The following KHDRBS2 variants were observed in gnomAD, a reference collection of about 807,000 sequenced individuals.
The protein encoded by KHDRBS2 is KH domain-containing, RNA-binding, signal transduction-associated protein 2.
A neutral mutation model predicts 44.3 loss-of-function variants in KHDRBS2; 26 were observed. The ratio of observed to expected loss-of-function variants is 0.59; its 90% CI spans 0.43 to 0.81. The LOEUF (loss-of-function observed/expected upper bound fraction) is 0.81, where lower values mean the gene tolerates loss of function less well. Ranked by LOEUF, KHDRBS2 falls within the 40% of genes least tolerant of loss-of-function variation. The pLI is 0.00. For synonymous variants in KHDRBS2, 194 were observed against 151.1 expected (o/e 1.28, Z -2.08); for missense variants, 476 against 433.1 (o/e 1.10, Z -0.88).
At chr6:61,708,646 C>T (rs1416126909) in intron 7 of KHDRBS2, among the ~76,000 whole-genome samples, 3 of 151,576 alleles carry the variant, frequency 2.0e-5, no homozygotes, top group Non-Finnish European at 3.0e-5. Context: ...ATAAATGTAA[C>T]ATAACTTTTT....
intron 1 of KHDRBS2, among the ~76,000 whole-genome samples, chr6:62,230,150 T>C (rs1221690811): frequency 6.6e-6 from 1 of 152,222 alleles, no homozygotes; most frequent in Non-Finnish European, 1.5e-5. Flanking sequence ...AGCCTTCCTG[T>C]ATATAATGTA....
intron 3 of KHDRBS2, 140 bp downstream of exon 3, chr6:62,047,738 G>A: frequency 4.6e-6 from 3 of 649,586 alleles, no homozygotes; most frequent in Non-Finnish European, 8.4e-6. Context: ...GGAGATAGCA[G>A]AAAGTGACAC....
At chr6:62,190,808 G>T (rs1239194487) in intron 1 of KHDRBS2, among the ~76,000 whole-genome samples, 1 of 151,994 alleles carries the variant, frequency 6.6e-6, no homozygotes, top group Non-Finnish European at 1.5e-5. Flanking sequence ...AGCCATGTGA[G>T]CAAGAGTTAC....
At chr6:61,968,483 T>G (rs1369887264) in intron 4 of KHDRBS2, among the ~76,000 whole-genome samples, 1 of 152,048 alleles carries the variant, frequency 6.6e-6, no homozygotes, top group East Asian at 1.9e-4. Flanking sequence ...TAGAACAGCC[T>G]TATGAATATA....
chr6:61,921,355 T>C (rs1583518787), intron 4 of KHDRBS2, among the ~76,000 whole-genome samples: 2 of 152,104 alleles, frequency 1.3e-5, no homozygotes, highest in East Asian at 3.9e-4. Context: ...GAACAGGAGA[T>C]TATATTAACT....
chr6:61,935,035 A>G (rs1810775846), intron 4 of KHDRBS2, among the ~76,000 whole-genome samples: 1 of 152,162 alleles, frequency 6.6e-6, no homozygotes, highest in Admixed American at 6.5e-5. Flanking sequence ...GAATTTTTAG[A>G]GTTCTAGCAA....
chr6:61,603,076 C>T, the KHDRBS2 span, among the ~76,000 whole-genome samples: 17 of 152,260 alleles, frequency 1.1e-4, no homozygotes, highest in African/African-American at 3.6e-4. Context: ...ATCACCCTTA[C>T]CCCGCTCAAT....
At chr6:61,662,851 A>G in the KHDRBS2 span, among the ~76,000 whole-genome samples, 1 of 151,914 alleles carries the variant, frequency 6.6e-6, no homozygotes, top group Admixed American at 6.6e-5. Flanking sequence ...GTGATTCCTC[A>G]GGGATCTAGA....
the KHDRBS2 span, among the ~76,000 whole-genome samples, chr6:61,653,485 T>A: frequency 6.6e-6 from 1 of 152,076 alleles, no homozygotes; most frequent in Non-Finnish European, 1.5e-5. Flanking sequence ...TCAGTGTTGT[T>A]CAGAATGAGC....
chr6:62,149,805 T>C (rs1222632202), intron 2 of KHDRBS2, among the ~76,000 whole-genome samples: 1 of 152,194 alleles, frequency 6.6e-6, no homozygotes. Context: ...ACCAGAAGCA[T>C]GGTGATGCAC....
the KHDRBS2 span, among the ~76,000 whole-genome samples, chr6:61,608,004 G>A: frequency 6.6e-6 from 1 of 152,112 alleles, no homozygotes; most frequent in African/African-American, 2.4e-5. Flanking sequence ...TTTCTTTAAT[G>A]TAGCCAATGA....
chr6:61,994,680 T>C (rs775360203), intron 3 of KHDRBS2, among the ~76,000 whole-genome samples: 3 of 152,182 alleles, frequency 2.0e-5, no homozygotes, highest in Non-Finnish European at 4.4e-5. Context: ...AGAAAAGTTA[T>C]GGGACGTTTA....
At chr6:62,105,493 G>T (rs1171080724) in intron 2 of KHDRBS2, among the ~76,000 whole-genome samples, 1 of 152,018 alleles carries the variant, frequency 6.6e-6, no homozygotes, top group East Asian at 1.9e-4. Context: ...ACTTCTTCCT[G>T]GTTTAGTCTT....
the KHDRBS2 span, among the ~76,000 whole-genome samples, chr6:61,601,957 C>T: frequency 6.6e-6 from 1 of 152,090 alleles, no homozygotes; most frequent in Admixed American, 6.6e-5. Context: ...TTTATCCGAC[C>T]TCTCCCAAAT....
chr6:62,166,641 T>A (rs1409209717), intron 2 of KHDRBS2, among the ~76,000 whole-genome samples: 1 of 152,072 alleles, frequency 6.6e-6, no homozygotes, highest in Non-Finnish European at 1.5e-5. Flanking sequence ...TAGAAAGTTT[T>A]ATTTTTCTCC....
At chr6:61,930,981 T>C (rs1408056764) in intron 4 of KHDRBS2, among the ~76,000 whole-genome samples, 1 of 152,128 alleles carries the variant, frequency 6.6e-6, no homozygotes, top group African/African-American at 2.4e-5. Context: ...GTGACAATTT[T>C]TGTTTCAAAT....
intron 1 of KHDRBS2, among the ~76,000 whole-genome samples, chr6:62,212,774 C>A (rs1829296932): frequency 6.6e-6 from 1 of 152,150 alleles, no homozygotes; most frequent in Non-Finnish European, 1.5e-5. Flanking sequence ...ACCTTAGTTT[C>A]AGACTTCTGG....
At chr6:61,758,556 G>C (rs1173157352) in intron 6 of KHDRBS2, among the ~76,000 whole-genome samples, 5 of 152,004 alleles carry the variant, frequency 3.3e-5, no homozygotes, top group Non-Finnish European at 7.4e-5. Context: ...GATTTGTTCA[G>C]TGTTGTACTT....
chr6:62,082,031 A>G (rs746949882), intron 2 of KHDRBS2, among the ~76,000 whole-genome samples: 27 of 152,110 alleles, frequency 1.8e-4, no homozygotes, highest in Non-Finnish European at 3.1e-4. Context: ...TGATCTCAGA[A>G]TTTAGAATGA....
Sources: allele counts gnomAD v4.1 joint callset (sites outside exome capture counted in the v4.1 genomes callset), GRCh38; gene constraint gnomAD v4.1.1; transcripts MANE v1.5; gene names NCBI Gene and HGNC (gene_info 2026-07-23, HGNC 2026-07-21).